Variants in FBXL3 observed in about 807,000 individuals in gnomAD.
The protein encoded by FBXL3 is F-box/LRR-repeat protein 3.
FBXL3 carries 14 observed loss-of-function variants against 37.9 expected under a neutral mutation model. The ratio of observed to expected loss-of-function variants is 0.37; its 90% CI spans 0.24 to 0.58. The LOEUF is 0.58. Among genes scored for constraint, FBXL3 ranks in the 20% least tolerant of loss-of-function variants. The pLI, the probability that FBXL3 is intolerant of heterozygous loss-of-function variation, is 0.74. For missense variants in FBXL3, 327 were observed against 511.1 expected, an observed-to-expected ratio of 0.64 and a Z score of 3.47; for synonymous variants, 194 against 180.1, an observed-to-expected ratio of 1.08 and a Z score of -0.62.
chr13:77,024,070 C>G (rs1171149108), intron 1 of FBXL3, among the ~76,000 whole-genome samples: 2 of 152,050 alleles, frequency 1.3e-5, no homozygotes, highest in Non-Finnish European at 2.9e-5. Context: ...GAGGTGACAG[C>G]AAGAAGGTAG....
intron 1 of FBXL3, among the ~76,000 whole-genome samples, chr13:77,024,574 A>C (rs2034804556): frequency 6.6e-6 from 1 of 152,202 alleles, no homozygotes; most frequent in Admixed American, 6.5e-5. Flanking sequence ...TTTGCTAATA[A>C]ATACTTTGCT....
intron 4 of FBXL3, chr13:77,010,260 A>T (rs970984150): frequency 7.8e-5 from 11 of 140,936 alleles, no homozygotes; most frequent in Admixed American, 3.2e-4. Context: ...AATAATAATT[A>T]AAAAAAAACA....
intron 2 of FBXL3, among the ~76,000 whole-genome samples, chr13:77,021,078 A>G (rs891223771): frequency 1.9e-4 from 29 of 152,172 alleles, no homozygotes; most frequent in African/African-American, 6.0e-4. Flanking sequence ...TCTTCTACAT[A>G]AAGTTTCTAT....
chr13:77,012,785 CTT>C (rs923429213), intron 4 of FBXL3: 1 of 151,944 alleles, frequency 6.6e-6, no homozygotes, highest in Admixed American at 6.6e-5. Flanking sequence ...AGTGTTCTTT[CTT>C]TTTTTTGAGA....
chr13:77,026,138 T>C (rs1282486849), intron 1 of FBXL3: 2 of 981,292 alleles, frequency 2.0e-6, no homozygotes, highest in Non-Finnish European at 2.4e-6. Context: ...TGGATATCAT[T>C]AGCAACGACA....
chr13:77,016,213 ATATTTGTATG>A (rs2034639585), intron 3 of FBXL3: 1 of 152,234 alleles, frequency 6.6e-6, no homozygotes, highest in Non-Finnish European at 1.5e-5. Context: ...ATATATGTAT[ATATTTGTATG>A]TATGTACATA....
At chr13:77,020,124 T>C (rs568153318) in intron 2 of FBXL3, among the ~76,000 whole-genome samples, 18 of 152,296 alleles carry the variant, frequency 1.2e-4, no homozygotes, top group African/African-American at 4.3e-4. Flanking sequence ...TCCTGAATTT[T>C]TGTTTGATCC....
At chr13:77,022,852 A>G (rs985515442) in intron 1 of FBXL3, among the ~76,000 whole-genome samples, 5 of 152,186 alleles carry the variant, frequency 3.3e-5, no homozygotes, top group African/African-American at 1.2e-4. Context: ...CTCTGGAACC[A>G]AGCTCCTTGG....
Position 77,018,682 on chromosome 13 carries a change from A to T in FBXL3, c.389T>A (p.Ile130Lys). 6.3e-7 allele frequency: 1 copy of T among 1,595,676 alleles called. No homozygotes were observed. The highest frequency in any genetic ancestry group is 8.5e-7 in the Non-Finnish European group (1 of 1,171,676). ...SKESAEAACD[I>K]LSQLVNCSLK... ...AGAGCAATTCACAAGTTGCGATAGT[A>T]TATCACAAGCTGCTTCAGCTGATTC... Residue 130 changes from isoleucine to lysine, a missense_variant, in exon 3 of 5, where the codon ATA (isoleucine) becomes AAA (lysine). Transcript: ENST00000355619.
intron 1 of FBXL3, among the ~76,000 whole-genome samples, chr13:77,023,025 T>C (rs1170551913): frequency 1.3e-5 from 2 of 152,208 alleles, no homozygotes; most frequent in Admixed American, 1.3e-4. Context: ...GTTGAACTGT[T>C]GAGATATGAC....
Position 77,021,869 on chromosome 13 carries a change from G to A in FBXL3, c.-1-8C>T, listed in dbSNP as rs550164050. On this transcript the variant is annotated splice_region_variant and splice_polypyrimidine_tract_variant and intron_variant, in intron 1 of 4. Coordinates refer to ENST00000355619, the MANE Select transcript of FBXL3 (RefSeq NM_012158.4). Reference sequence around the variant, plus strand: ...CTTCCTCCTCGTTTCATCCTATTCCGAAAAATGCATCAGTTTTTTTCCTAC... The same window carrying A: ...CTTCCTCCTCGTTTCATCCTATTCCAAAAAATGCATCAGTTTTTTTCCTAC... 41 of 1,570,670 alleles carry A rather than the reference G, an allele frequency of 2.6e-5. No individual in the cohort carries two copies. The highest frequency in any genetic ancestry group is 2.1e-4 in the African/African-American group (15 of 72,888).
chr13:77,023,333 G>GGAGAGA (rs576180258), intron 1 of FBXL3, among the ~76,000 whole-genome samples: 7 of 147,586 alleles, frequency 4.7e-5, no homozygotes, highest in Non-Finnish European at 8.9e-5. Flanking sequence ...GCTTTAAAAT[G>GGAGAGA]GAGAGAGAGA....
In FBXL3 at chr13:77,007,362, C is replaced by T; in HGVS notation, c.1070G>A (p.Arg357His). The change falls in exon 5 of 5, where the codon CGT becomes CAT. Residue 357 changes from arginine to histidine, a missense_variant. Coordinates refer to ENST00000355619, the MANE Select transcript of FBXL3 (RefSeq NM_012158.4). ...TCCAATAGCTGACAAATTTTTGCAA[C>T]GTTCTGCAATGCGAATTAACTCTTC... ...LDEELIRIAE[R>H]CKNLSAIGLG... The T allele has an allele frequency of 6.2e-7, 1 of 1,614,144 alleles. No individual in the cohort carries two copies. Among genetic ancestry groups the T allele is most frequent in the Non-Finnish European group, 8.5e-7 (1 of 1,180,026 alleles).
chr13:77,008,743 G>C (rs1227344799), intron 4 of FBXL3: 1 of 152,230 alleles, frequency 6.6e-6, no homozygotes, highest in African/African-American at 2.4e-5. Context: ...GCTGGAGACA[G>C]GGTTTCACCA....
At chr13:77,018,762 AT>A in intron 2 of FBXL3, 40 bp from the exon 3 acceptor site, 3 of 1,479,658 alleles carry the variant, frequency 2.0e-6, no homozygotes, top group South Asian at 1.5e-5. Flanking sequence ...ATATTTTATT[AT>A]TTTTTTACTT....
At position 77,005,840 on chromosome 13, in the gene FBXL3, T is replaced by A. The variant is rs1430083269; in HGVS notation, c.*1305A>T. 1.3e-5 allele frequency: 2 copies of A among 152,180 alleles called. No individual in the cohort carries two copies. The highest frequency in any genetic ancestry group is 4.8e-5 in the African/African-American group (2 of 41,440). 9.4% of individuals were successfully genotyped at this position (152,180 alleles called of 1,614,324 possible). Reference sequence around the variant, plus strand: ...GATTTCCCTCAGGAGGGTAGTAATATCTACTAGCACTAGTGCCCAGCATCA... The same window carrying A: ...GATTTCCCTCAGGAGGGTAGTAATAACTACTAGCACTAGTGCCCAGCATCA... On this transcript the variant is annotated 3_prime_UTR_variant, in exon 5 of 5. Transcript: ENST00000355619.
At chr13:77,013,435 A>C (rs1191051570) in intron 4 of FBXL3, 1 of 152,192 alleles carries the variant, frequency 6.6e-6, no homozygotes, top group Non-Finnish European at 1.5e-5. Context: ...ACCTCCCCAA[A>C]TTGCTCCTGG....
chr13:77,024,328 A>AT (rs2034800729), intron 1 of FBXL3, among the ~76,000 whole-genome samples: 1 of 152,190 alleles, frequency 6.6e-6, no homozygotes, highest in African/African-American at 2.4e-5. Context: ...TCCAGAGCTT[A>AT]TAATTTCTCT....
Position 77,006,802 on chromosome 13 carries a change from T to C in FBXL3, c.*343A>G, listed in dbSNP as rs2034459195. The C allele has an allele frequency of 9.7e-7, 1 of 1,034,224 alleles. No individual in the cohort carries two copies. The highest frequency in any genetic ancestry group is 1.2e-6 in the Non-Finnish European group (1 of 856,634). 64.1% of individuals were successfully genotyped at this position (1,034,224 alleles called of 1,614,324 possible). On this transcript the variant is annotated 3_prime_UTR_variant, in exon 5 of 5. Coordinates refer to ENST00000355619, the MANE Select transcript of FBXL3 (RefSeq NM_012158.4). ...CATTTTTTTTTAAATGCATAGAGAA[T>C]ATAACATTTCAGAAAACCTATTAGT...
Sources: gnomAD v4.1 joint callset for allele counts (sites outside exome capture counted in the v4.1 genomes callset) on GRCh38, gnomAD v4.1.1 for gene constraint, MANE v1.5 for transcripts, NCBI Gene and HGNC (gene_info 2026-07-23, HGNC 2026-07-21) for gene names.